Variants in RBFOX1 observed in about 807,000 individuals in gnomAD.
The protein encoded by RBFOX1 is RNA binding protein fox-1 homolog 1.
Under a neutral mutation model 57.7 loss-of-function variants are expected in RBFOX1, and 8 were observed. The ratio of observed to expected loss-of-function variants is 0.14; its 90% CI spans 0.08 to 0.25. The LOEUF is 0.25. RBFOX1 is among the 10% of genes least tolerant of loss of function. The pLI, the probability that RBFOX1 is intolerant of heterozygous loss-of-function variation, is 1.00. For missense variants in RBFOX1, 611 were observed against 548.5 expected, an observed-to-expected ratio of 1.11 and a Z score of -1.14; for synonymous variants, 326 against 222.4, an observed-to-expected ratio of 1.47 and a Z score of -4.15.
chr16:6,809,828 A>G (rs1404314518), intron 3 of RBFOX1, among the ~76,000 whole-genome samples: 1 of 152,188 alleles, frequency 6.6e-6, no homozygotes, highest in Non-Finnish European at 1.5e-5. Context: ...TCTCTGGAAG[A>G]GTGCTGTCGT....
At chr16:7,051,388 A>C (rs951346265) in intron 3 of RBFOX1, among the ~76,000 whole-genome samples, 2 of 152,256 alleles carry the variant, frequency 1.3e-5, no homozygotes, top group Admixed American at 1.3e-4. Flanking sequence ...GTCCTTGGAC[A>C]TTAAGTAAAA....
At chr16:5,932,173 C>A (rs2152249851) in intron 4 of RBFOX1, among the ~76,000 whole-genome samples, 1 of 152,248 alleles carries the variant, frequency 6.6e-6, no homozygotes, top group South Asian at 2.1e-4. Flanking sequence ...CACACCAGTC[C>A]ATTAAAAGCC....
chr16:7,137,307 A>G (rs1181887521), intron 4 of RBFOX1, among the ~76,000 whole-genome samples: 1 of 152,124 alleles, frequency 6.6e-6, no homozygotes, highest in East Asian at 1.9e-4. Flanking sequence ...GCCAAATGTC[A>G]TCTTGAACTG....
At chr16:5,829,279 G>A (rs1444285736) in intron 3 of RBFOX1, among the ~76,000 whole-genome samples, 1 of 152,180 alleles carries the variant, frequency 6.6e-6, no homozygotes, top group Non-Finnish European at 1.5e-5. Flanking sequence ...TATCCTGAAT[G>A]CTAAGGGAAG....
At chr16:6,222,857 C>T (rs1328171108) in intron 1 of RBFOX1, among the ~76,000 whole-genome samples, 2 of 151,922 alleles carry the variant, frequency 1.3e-5, no homozygotes, top group Non-Finnish European at 2.9e-5. Context: ...CGCCCTACCC[C>T]CACCCCACAA....
chr16:5,892,751 T>C (rs2151937139), intron 4 of RBFOX1, among the ~76,000 whole-genome samples: 1 of 151,880 alleles, frequency 6.6e-6, no homozygotes, highest in African/African-American at 2.4e-5. Flanking sequence ...GGGGAGAAAA[T>C]GGTGCTTTAT....
At chr16:6,264,514 C>T (rs2097721256) in intron 1 of RBFOX1, among the ~76,000 whole-genome samples, 1 of 152,174 alleles carries the variant, frequency 6.6e-6, no homozygotes, top group Admixed American at 6.5e-5. Flanking sequence ...CCCATCGGTT[C>T]TCATTGCTTA....
At chr16:7,283,325 C>T (rs1367436427) in intron 4 of RBFOX1, among the ~76,000 whole-genome samples, 1 of 151,942 alleles carries the variant, frequency 6.6e-6, no homozygotes, top group East Asian at 2.0e-4. Flanking sequence ...TCTGCAGTCT[C>T]TATACTCCAA....
At chr16:5,745,102 C>A (rs943329924) in intron 3 of RBFOX1, among the ~76,000 whole-genome samples, 2 of 152,184 alleles carry the variant, frequency 1.3e-5, no homozygotes, top group Non-Finnish European at 2.9e-5. Flanking sequence ...CTTCCCCCAC[C>A]TCATGACAGG....
At chr16:7,024,293 G>A (rs902738125) in intron 3 of RBFOX1, among the ~76,000 whole-genome samples, 1 of 152,158 alleles carries the variant, frequency 6.6e-6, no homozygotes. Context: ...CTACCATGGA[G>A]AGCCTGGTTC....
intron 4 of RBFOX1, among the ~76,000 whole-genome samples, chr16:7,398,794 G>A (rs2098186148): frequency 6.6e-6 from 1 of 152,158 alleles, no homozygotes; most frequent in Non-Finnish European, 1.5e-5. Context: ...TTTTCATTGT[G>A]GGGTTAGACT....
At chr16:6,983,150 C>G (rs1041495444) in intron 3 of RBFOX1, among the ~76,000 whole-genome samples, 1 of 152,042 alleles carries the variant, frequency 6.6e-6, no homozygotes, top group Non-Finnish European at 1.5e-5. Context: ...TTGACAGCTT[C>G]CTAGCAGGGA....
At chr16:6,639,800 A>G (rs986474455) in intron 2 of RBFOX1, among the ~76,000 whole-genome samples, 1 of 152,086 alleles carries the variant, frequency 6.6e-6, no homozygotes, top group Non-Finnish European at 1.5e-5. Context: ...AATGGTGTGA[A>G]CCTGGGAGGC....
chr16:5,988,729 G>C (rs1298390382), intron 4 of RBFOX1, among the ~76,000 whole-genome samples: 1 of 152,184 alleles, frequency 6.6e-6, no homozygotes, highest in East Asian at 1.9e-4. Context: ...TGACATCTTT[G>C]TGGATCAGTA....
intron 2 of RBFOX1, among the ~76,000 whole-genome samples, chr16:5,540,097 T>C (rs1373589021): frequency 6.6e-6 from 1 of 152,200 alleles, no homozygotes; most frequent in Non-Finnish European, 1.5e-5. Flanking sequence ...AGAATGAAGA[T>C]ATTAAATAGC....
chr16:6,807,411 G>C (rs1309468609), intron 3 of RBFOX1, among the ~76,000 whole-genome samples: 4 of 152,144 alleles, frequency 2.6e-5, no homozygotes, highest in African/African-American at 9.7e-5. Flanking sequence ...TGACTGAATG[G>C]TGGTGCCATT....
intron 1 of RBFOX1, among the ~76,000 whole-genome samples, chr16:5,386,058 A>G (rs1051206887): frequency 6.6e-6 from 1 of 152,038 alleles, no homozygotes; most frequent in Non-Finnish European, 1.5e-5. Flanking sequence ...TGTGTTTGCC[A>G]AGATGGAATA....
chr16:6,433,851 T>TC (rs981321923), intron 2 of RBFOX1, among the ~76,000 whole-genome samples: 1 of 130,434 alleles, frequency 7.7e-6, no homozygotes, highest in African/African-American at 4.2e-5. Flanking sequence ...TTTTTCTTTT[T>TC]TTTTTTTTTT....
chr16:7,556,746 A>G (rs2088628131), intron 5 of RBFOX1, among the ~76,000 whole-genome samples: 1 of 152,212 alleles, frequency 6.6e-6, no homozygotes, highest in Admixed American at 6.5e-5. Context: ...GCATAATTTT[A>G]CCACCAACTT....
Sources: allele counts gnomAD v4.1 joint callset (sites outside exome capture counted in the v4.1 genomes callset), GRCh38; gene constraint gnomAD v4.1.1; transcripts MANE v1.5; gene names NCBI Gene and HGNC (gene_info 2026-07-23, HGNC 2026-07-21).